HMGN3: variants seen among roughly 807,000 people sequenced by gnomAD.
HMGN3 encodes the protein high mobility group nucleosomal binding domain 3, also known as high mobility group nucleosome-binding domain-containing protein 3.
HMGN3 carries 6 observed loss-of-function variants against 18.8 expected under a neutral mutation model. The ratio of observed to expected loss-of-function variants is 0.32; its 90% confidence interval spans 0.18 to 0.63. The LOEUF (loss-of-function observed/expected upper bound fraction) is 0.63, where lower values mean the gene tolerates loss of function less well. HMGN3 is among the 30% of genes least tolerant of loss of function. The pLI, the probability that HMGN3 is intolerant of heterozygous loss-of-function variation, is 0.79. For synonymous variants in HMGN3, 40 were observed against 36.5 expected (o/e 1.10, Z -0.35); for missense variants, 107 against 114.2 (o/e 0.94, Z 0.29).
At chr6:79,234,674 G>T in exon 1 of HMGN3, 2 of 1,037,210 alleles carry the variant, frequency 1.9e-6, no homozygotes, top group South Asian at 1.4e-5. Context: ...GACGTAGCCC[G>T]GCCTCTTCGA....
At chr6:79,228,901 A>G (rs1393028566) in intron 1 of HMGN3, among the ~76,000 whole-genome samples, 1 of 152,212 alleles carries the variant, frequency 6.6e-6, no homozygotes, top group Non-Finnish European at 1.5e-5. Flanking sequence ...AGAACGACAT[A>G]CAGACCATAA....
At chr6:79,229,114 ATAAGAGT>A (rs1178226801) in intron 1 of HMGN3, among the ~76,000 whole-genome samples, 10 of 152,258 alleles carry the variant, frequency 6.6e-5, no homozygotes, top group Non-Finnish European at 1.2e-4. Flanking sequence ...ATACCTAAAT[ATAAGAGT>A]TAAAAGTATA....
intron 2 of HMGN3, 98 bp downstream of exon 2, chr6:79,214,874 A>T: frequency 2.7e-6 from 2 of 734,716 alleles, no homozygotes; most frequent in Non-Finnish European, 4.6e-6. Flanking sequence ...AACTTTGTTC[A>T]TACAATTGTC....
intron 3 of HMGN3, among the ~76,000 whole-genome samples, chr6:79,207,245 G>C (rs1478126541): frequency 6.6e-6 from 1 of 152,072 alleles, no homozygotes; most frequent in Admixed American, 6.6e-5. Flanking sequence ...AGAATGATAT[G>C]GTTTGGCTAT....
intron 1 of HMGN3, among the ~76,000 whole-genome samples, chr6:79,230,926 T>C (rs1317776150): frequency 1.3e-5 from 2 of 152,202 alleles, no homozygotes; most frequent in African/African-American, 2.4e-5. Context: ...TAGTTAAGCA[T>C]CCCCTGTGCT....
intron 1 of HMGN3, among the ~76,000 whole-genome samples, chr6:79,232,547 G>A (rs1455470869): frequency 2.0e-5 from 3 of 151,420 alleles, no homozygotes; most frequent in Non-Finnish European, 4.4e-5. Flanking sequence ...ATGCATGGGG[G>A]TTCCCTGCCT....
At chr6:79,210,116 C>G (rs1442789803) in intron 2 of HMGN3, among the ~76,000 whole-genome samples, 1 of 152,146 alleles carries the variant, frequency 6.6e-6, no homozygotes, top group African/African-American at 2.4e-5. Context: ...ACAGTGCACC[C>G]ATAAGTCCCT....
At chr6:79,205,308 A>G (rs896974686) in intron 3 of HMGN3, among the ~76,000 whole-genome samples, 2 of 152,190 alleles carry the variant, frequency 1.3e-5, no homozygotes, top group African/African-American at 4.8e-5. Context: ...TCTCATCTTG[A>G]ATTGTAACTC....
At chr6:79,222,923 C>G (rs1777375108) in intron 1 of HMGN3, among the ~76,000 whole-genome samples, 1 of 152,260 alleles carries the variant, frequency 6.6e-6, no homozygotes. Context: ...AAATAAATAG[C>G]AACTCTCTCT....
At chr6:79,209,668 A>G (rs1297603321) in intron 2 of HMGN3, among the ~76,000 whole-genome samples, 1 of 152,218 alleles carries the variant, frequency 6.6e-6, no homozygotes, top group Non-Finnish European at 1.5e-5. Flanking sequence ...GTCAGTAGGA[A>G]TCCATGCCAT....
At chr6:79,214,830 C>G (rs1179650228) in intron 2 of HMGN3, 142 bp downstream of exon 2, 1 of 606,166 alleles carries the variant, frequency 1.6e-6, no homozygotes, top group Non-Finnish European at 2.9e-6. Context: ...ATCGCTCTTT[C>G]AGGTAGTCTT....
chr6:79,209,228 G>A (rs1360949242), intron 2 of HMGN3, among the ~76,000 whole-genome samples: 1 of 152,170 alleles, frequency 6.6e-6, no homozygotes, highest in Non-Finnish European at 1.5e-5. Flanking sequence ...CAGAGAAACT[G>A]TGTAGAAATT....
At chr6:79,207,472 C>T (rs1465510410) in intron 3 of HMGN3, among the ~76,000 whole-genome samples, 18 of 152,200 alleles carry the variant, frequency 1.2e-4, no homozygotes, top group Admixed American at 1.1e-3. Context: ...ATGTGACTTG[C>T]TCCTCGTCTT....
intron 1 of HMGN3, among the ~76,000 whole-genome samples, chr6:79,229,068 T>C (rs1245005112): frequency 6.6e-6 from 1 of 152,196 alleles, no homozygotes; most frequent in Non-Finnish European, 1.5e-5. Context: ...AACCCTTACC[T>C]CATACCACAC....
chr6:79,203,233 G>A (rs1776237359), intron 4 of HMGN3, among the ~76,000 whole-genome samples: 1 of 152,142 alleles, frequency 6.6e-6, no homozygotes, highest in Non-Finnish European at 1.5e-5. Flanking sequence ...GAAGTCAGAA[G>A]CCCCTTCCCA....
intron 2 of HMGN3, 145 bp downstream of exon 2, chr6:79,214,827 T>C (rs1776890822): frequency 5.0e-6 from 3 of 600,812 alleles, no homozygotes; most frequent in Non-Finnish European, 8.7e-6. Context: ...CTTATCGCTC[T>C]TTCAGGTAGT....
At chr6:79,221,346 C>T (rs1262276147) in intron 1 of HMGN3, among the ~76,000 whole-genome samples, 1 of 152,182 alleles carries the variant, frequency 6.6e-6, no homozygotes, top group African/African-American at 2.4e-5. Flanking sequence ...ATTCCTTCAA[C>T]AGCTGACCAA....
intron 1 of HMGN3, among the ~76,000 whole-genome samples, chr6:79,228,303 G>A (rs1460500627): frequency 6.6e-6 from 1 of 152,118 alleles, no homozygotes; most frequent in Non-Finnish European, 1.5e-5. Flanking sequence ...TTCCCAAGGC[G>A]ATGGTATCTT....
At chr6:79,230,130 G>A (rs4706757) in intron 1 of HMGN3, among the ~76,000 whole-genome samples, 128,057 of 152,226 alleles carry the variant, frequency 0.84, 54,728 homozygotes, top group East Asian at 1. Context: ...ACTGATATAT[G>A]CTACAACACA....
Sources: gnomAD v4.1 joint callset for allele counts (sites outside exome capture counted in the v4.1 genomes callset) on GRCh38, gnomAD v4.1.1 for gene constraint, MANE v1.5 for transcripts, NCBI Gene and HGNC (gene_info 2026-07-23, HGNC 2026-07-21) for gene names.